Variants in CTBP2 observed in about 807,000 individuals in gnomAD.
The protein encoded by CTBP2 is C-terminal-binding protein 2.
Under a neutral mutation model 80.3 loss-of-function variants are expected in CTBP2, and 30 were observed. That is an observed-to-expected ratio of 0.37 (90% CI 0.28 to 0.51). CTBP2 has a LOEUF of 0.51. Among genes scored for constraint, CTBP2 ranks in the 20% least tolerant of loss-of-function variants. CTBP2 has a pLI of 0.93. For synonymous variants in CTBP2, 594 were observed against 587.4 expected (o/e 1.01, Z -0.16); for missense variants, 1,212 against 1,375.3 (o/e 0.88, Z 1.88).
intron 2 of CTBP2, among the ~76,000 whole-genome samples, chr10:125,084,540 G>A (rs1424175167): frequency 6.6e-6 from 1 of 152,150 alleles, no homozygotes; most frequent in African/African-American, 2.4e-5. Flanking sequence ...GAGGGCGTGA[G>A]GAGGTGGTCC....
intron 2 of CTBP2, among the ~76,000 whole-genome samples, chr10:125,101,785 G>C (rs970162104): frequency 1.1e-4 from 17 of 152,136 alleles, no homozygotes; most frequent in Non-Finnish European, 2.5e-4. Flanking sequence ...AGGCGAGCAG[G>C]GCATCTCCCA....
At chr10:124,989,900 C>T (rs1952360291) in intron 8 of CTBP2, among the ~76,000 whole-genome samples, 1 of 152,090 alleles carries the variant, frequency 6.6e-6, no homozygotes, top group African/African-American at 2.4e-5. Context: ...CCACGCCTAG[C>T]TAGTTTTTGT....
At chr10:125,081,758 AT>A in intron 2 of CTBP2, among the ~76,000 whole-genome samples, 1 of 152,114 alleles carries the variant, frequency 6.6e-6, no homozygotes. Flanking sequence ...GAGAACCCAA[AT>A]TTTTGCAATG....
chr10:124,997,901 G>T, intron 4 of CTBP2, 63 bp downstream of exon 6: 1 of 1,538,680 alleles, frequency 6.5e-7, no homozygotes, highest in Non-Finnish European at 8.8e-7. Context: ...TTCCCGAGGG[G>T]TCCCCACTAC....
In CTBP2 at chr10:125,066,194, G is replaced by A. The variant is rs775997245; in HGVS notation, c.-101-27039C>T. 6.6e-6 allele frequency among the ~76,000 whole-genome samples: 1 copy of A among 151,992 alleles called. No individual in the cohort carries two copies. Among genetic ancestry groups the A allele is most frequent in the African/African-American group, 2.4e-5 (1 of 41,384 alleles). ...CTCTTGGCTGAGGGATGTGAGCTATGAGCCCCTACATCACAGCTTCTGTTA... is the reference window on the plus strand; with the variant it reads ...CTCTTGGCTGAGGGATGTGAGCTATAAGCCCCTACATCACAGCTTCTGTTA... On this transcript the variant is annotated intron_variant, in intron 2 of 10. Coordinates refer to the CTBP2 transcript ENST00000337195. This position sits in a 1 kb window ranked among gnomAD's most constrained non-coding sequence, Gnocchi z 4.1.
chr10:125,001,481 C>G (rs1954498440), intron 3 of CTBP2: 1 of 152,176 alleles, frequency 6.6e-6, no homozygotes, highest in South Asian at 2.1e-4. Context: ...ATTAAACACG[C>G]CTTTGAAGAC....
intron 1 of CTBP2, among the ~76,000 whole-genome samples, chr10:125,130,475 C>T (rs1174640536): frequency 3.3e-5 from 5 of 152,254 alleles, no homozygotes; most frequent in Non-Finnish European, 5.9e-5. Flanking sequence ...AAATGCCACA[C>T]GACTTGGACG....
At chr10:125,033,558 T>A (rs1419393362) in intron 3 of CTBP2, among the ~76,000 whole-genome samples, 1 of 152,184 alleles carries the variant, frequency 6.6e-6, no homozygotes, top group African/African-American at 2.4e-5. Flanking sequence ...TACCTGTCAA[T>A]TAGGTTGAGC....
At chr10:125,059,232 A>G (rs1179763144) in intron 2 of CTBP2, among the ~76,000 whole-genome samples, 2 of 152,128 alleles carry the variant, frequency 1.3e-5, no homozygotes, top group Non-Finnish European at 2.9e-5. Flanking sequence ...ATAGAGGAGA[A>G]AATCAGCGAT....
intron 1 of CTBP2, among the ~76,000 whole-genome samples, chr10:125,158,913 C>T (rs1394403393): frequency 6.6e-6 from 1 of 151,884 alleles, no homozygotes; most frequent in Non-Finnish European, 1.5e-5. Context: ...GGAGTGTGTG[C>T]GCGCGTGTGT....
chr10:124,989,708 A>T lies in CTBP2; in HGVS notation c.2778-10T>A. 6.4e-7 allele frequency: 1 copy of T among 1,556,978 alleles called. No individual in the cohort carries two copies. Among genetic ancestry groups the T allele is most frequent in the Non-Finnish European group, 8.7e-7 (1 of 1,152,006 alleles). ...GATGCCTGGCGGATATCTAAGGAACACACAGAAATAGGGCCTTGTAAGTTC... is the reference window on the plus strand; with the variant it reads ...GATGCCTGGCGGATATCTAAGGAACTCACAGAAATAGGGCCTTGTAAGTTC... On this transcript the variant is annotated splice_polypyrimidine_tract_variant and intron_variant, in intron 8 of 8. Transcript: ENST00000309035.
At chr10:125,040,534 T>C (rs1959382003) in intron 2 of CTBP2, among the ~76,000 whole-genome samples, 1 of 147,848 alleles carries the variant, frequency 6.8e-6, no homozygotes. Context: ...TTGTCTTCTG[T>C]ATTTTTTTTT....
Position 125,083,573 on chromosome 10 carries a change from A to G in CTBP2, c.-102+27417T>C, listed in dbSNP as rs189841995. On this transcript the variant is annotated intron_variant, in intron 2 of 10. Transcript: ENST00000337195. ...GAAAATGCCACCAGGATCAAAGACC[A>G]TAACGCAAAGCCCTCTGTTTGCACC... 3.3e-5 allele frequency among the ~76,000 whole-genome samples: 5 copies of G among 152,338 alleles called. No individual in the cohort carries two copies. The East Asian group carries it at 7.7e-4, about 23-fold the overall frequency.
intron 2 of CTBP2, among the ~76,000 whole-genome samples, chr10:125,067,055 A>C (rs572450838): frequency 2.8e-4 from 43 of 152,284 alleles, no homozygotes; most frequent in Non-Finnish European, 4.3e-4. Context: ...TCCACCTGCT[A>C]TGTGGGGCGA....
intron 4 of CTBP2, chr10:124,997,747 A>G: frequency 5.1e-6 from 3 of 589,112 alleles, no homozygotes; most frequent in Non-Finnish European, 9.1e-6. Flanking sequence ...AGCAGTGGAC[A>G]CGCATTCTTC....
intron 1 of CTBP2, chr10:125,005,579 G>T: frequency 6.2e-7 from 1 of 1,612,284 alleles, no homozygotes; most frequent in Non-Finnish European, 8.5e-7. Flanking sequence ...GACAGGAAGC[G>T]TGCAGCACAA....
intron 1 of CTBP2, among the ~76,000 whole-genome samples, chr10:125,004,916 C>T (rs1955028437): frequency 6.6e-6 from 1 of 152,228 alleles, no homozygotes; most frequent in Admixed American, 6.5e-5. Flanking sequence ...GCCTCGCCTT[C>T]CATCCCTAAC....
At chr10:125,001,677 G>A (rs552189342) in intron 3 of CTBP2, among the ~76,000 whole-genome samples, 22 of 152,280 alleles carry the variant, frequency 1.4e-4, no homozygotes, top group South Asian at 2.1e-4. Flanking sequence ...GGATTTGCCC[G>A]TGGGGCAGCC....
rs974758937 is a variant in CTBP2, at chr10:125,028,019, G to A, written c.-260C>T. On this transcript the variant is annotated 5_prime_UTR_variant, in exon 1 of 9. Transcript: ENST00000309035. ...GGTCTGTTCCTTACAGCTCAGTCCCGGAGAGGAGGCTGTCCCCAGCCTGCC... is the reference window on the plus strand; with the variant it reads ...GGTCTGTTCCTTACAGCTCAGTCCCAGAGAGGAGGCTGTCCCCAGCCTGCC... 2.9e-5 allele frequency: 28 copies of A among 965,358 alleles called. No individual in the cohort carries two copies. Among genetic ancestry groups the A allele is most frequent in the Admixed American group, 4.0e-5 (1 of 25,188 alleles). 59.8% of individuals were successfully genotyped at this position (965,358 alleles called of 1,614,324 possible). A position where few individuals can be genotyped will look rare whatever the true frequency, so the allele number is the denominator to read the frequency against.
Sources: gnomAD v4.1 joint callset for allele counts (sites outside exome capture counted in the v4.1 genomes callset) on GRCh38, gnomAD v4.1.1 for gene constraint, Gnocchi (gnomAD v3.1) non-coding constraint, MANE v1.5 for transcripts, NCBI Gene and HGNC (gene_info 2026-07-23, HGNC 2026-07-21) for gene names.